Variants in NRG4 observed in about 807,000 individuals in gnomAD.
NRG4 encodes the protein neuregulin 4, also known as pro-neuregulin-4, membrane-bound isoform.
A neutral mutation model predicts 15.0 loss-of-function variants in NRG4; 10 were observed. The ratio of observed to expected loss-of-function variants is 0.67; its 90% CI spans 0.41 to 1.13. The LOEUF is 1.13. Ranked by LOEUF, NRG4 falls within the 50% of genes most tolerant of loss-of-function variation. The pLI, the probability that NRG4 is intolerant of heterozygous loss-of-function variation, is 0.00. For synonymous variants in NRG4, 41 were observed against 50.1 expected (o/e 0.82, Z 0.77); for missense variants, 139 against 140.2 (o/e 0.99, Z 0.04).
At chr15:76,047,903 C>G (rs334927) in intron 4 of NRG4, among the ~76,000 whole-genome samples, 2,181 of 151,072 alleles carry the variant, frequency 0.014, 177 homozygotes, top group African/African-American at 0.05. Context: ...CAACTACAAT[C>G]CCAGCTACTT....
intron 3 of NRG4, among the ~76,000 whole-genome samples, chr15:75,975,236 A>G (rs148685378): frequency 2.0e-5 from 3 of 151,986 alleles, no homozygotes; most frequent in African/African-American, 7.2e-5. Flanking sequence ...TTTTGAGCCT[A>G]TATGTGTCTT....
chr15:75,993,333 T>C (rs930218213), intron 3 of NRG4, among the ~76,000 whole-genome samples: 2 of 146,074 alleles, frequency 1.4e-5, no homozygotes, highest in African/African-American at 5.1e-5. Flanking sequence ...TCCTTCTGGG[T>C]TCCCAATTAC....
At chr15:75,967,391 CTG>C (rs2032852457) in intron 3 of NRG4, among the ~76,000 whole-genome samples, 1 of 151,156 alleles carries the variant, frequency 6.6e-6, no homozygotes, top group Admixed American at 6.6e-5. Context: ...CCATTAAAAA[CTG>C]ATCATTATTA....
intron 2 of NRG4, chr15:76,053,458 C>G (rs2036073753): frequency 6.6e-6 from 1 of 150,994 alleles, no homozygotes; most frequent in South Asian, 2.1e-4. Flanking sequence ...AGAATGGTGT[C>G]TGACATATGG....
intron 3 of NRG4, chr15:75,969,196 A>G (rs2032976013): frequency 6.6e-6 from 3 of 456,256 alleles, no homozygotes; most frequent in Non-Finnish European, 8.8e-6. Flanking sequence ...TTGGAATAAG[A>G]CAAAGAGAAG....
At chr15:76,021,053 C>T (rs953170700) in intron 5 of NRG4, among the ~76,000 whole-genome samples, 1 of 152,186 alleles carries the variant, frequency 6.6e-6, no homozygotes, top group Non-Finnish European at 1.5e-5. Context: ...TTCTAAGCTT[C>T]GAAGGACAGG....
At chr15:76,015,770 A>T (rs545373102), upstream of NRG4, among the ~76,000 whole-genome samples, 5 of 152,116 alleles carry the variant, frequency 3.3e-5, no homozygotes, top group Non-Finnish European at 7.4e-5. Context: ...GAATATTTTC[A>T]CATCGATATT....
Position 75,943,331 on chromosome 15 carries a change from C to T in NRG4, c.*307G>A, listed in dbSNP as rs1047325251. On this transcript the variant is annotated 3_prime_UTR_variant, in exon 6 of 6. Coordinates refer to ENST00000394907, the MANE Select transcript of NRG4 (RefSeq NM_138573.4). ...TCTTCATATATCCCTTAGGGTTTCTCTCTAGGTGTGTGAACATTTGCCTCT... is the reference window on the plus strand; with the variant it reads ...TCTTCATATATCCCTTAGGGTTTCTTTCTAGGTGTGTGAACATTTGCCTCT... The T allele has an allele frequency of 5.3e-5, 19 of 358,958 alleles. No individual in the cohort carries two copies. Among genetic ancestry groups the T allele is most frequent in the African/African-American group, 3.6e-4 (17 of 47,238 alleles). The allele number at this position is 358,958 out of a possible 1,614,324, so 22.2% of individuals were successfully genotyped here. A position where few individuals can be genotyped will look rare whatever the true frequency, so the allele number is the denominator to read the frequency against.
intron 3 of NRG4, among the ~76,000 whole-genome samples, chr15:76,002,802 T>G (rs1015525047): frequency 2.0e-5 from 3 of 152,154 alleles, no homozygotes; most frequent in African/African-American, 7.2e-5. Context: ...CTTATGTACA[T>G]GTAATAATTA....
chr15:76,046,207 C>T (rs907586153), intron 4 of NRG4, among the ~76,000 whole-genome samples: 7 of 150,616 alleles, frequency 4.6e-5, no homozygotes, highest in African/African-American at 7.4e-5. Flanking sequence ...GAAGAGGACA[C>T]GCACAAAAAA....
Position 75,961,819 on chromosome 15 carries a change from T to C in NRG4, c.251+9A>G. On this transcript the variant is annotated intron_variant, in intron 4 of 5. Coordinates refer to ENST00000394907, the MANE Select transcript of NRG4 (RefSeq NM_138573.4). ...ACTTTTCTCAAAAGCATGTTTCTAT[T>C]TTACTTACCTGCAAAGGAAGTAGAA... 6.2e-7 allele frequency: 1 copy of C among 1,601,470 alleles called. No individual in the cohort carries two copies. The highest frequency in any genetic ancestry group is 8.5e-7 in the Non-Finnish European group (1 of 1,173,294).
intron 4 of NRG4, among the ~76,000 whole-genome samples, chr15:75,956,350 A>G (rs1242959944): frequency 2.6e-5 from 4 of 152,150 alleles, no homozygotes; most frequent in African/African-American, 9.7e-5. Context: ...TGCTCTTTTT[A>G]AAGAAGTTAG....
intron 5 of NRG4, among the ~76,000 whole-genome samples, chr15:75,952,676 G>T (rs1447766127): frequency 6.6e-6 from 1 of 151,528 alleles, no homozygotes; most frequent in African/African-American, 2.4e-5. Flanking sequence ...CTCCACTGCG[G>T]CCTCCCAATA....
chr15:75,985,429 G>C, intron 3 of NRG4, among the ~76,000 whole-genome samples: 1 of 152,152 alleles, frequency 6.6e-6, no homozygotes, highest in East Asian at 1.9e-4. Flanking sequence ...ATCTACTAGG[G>C]AAGCTCATCA....
chr15:76,029,677 A>G (rs7172786), intron 5 of NRG4, among the ~76,000 whole-genome samples: 1,963 of 152,326 alleles, frequency 0.013, 39 homozygotes, highest in African/African-American at 0.046. Flanking sequence ...TCCATTTACA[A>G]TAACTACAAA....
chr15:76,024,147 T>C (rs2035238982), intron 5 of NRG4, among the ~76,000 whole-genome samples: 1 of 152,196 alleles, frequency 6.6e-6, no homozygotes, highest in African/African-American at 2.4e-5. Flanking sequence ...GCTGCCAACA[T>C]GTAAGTCTTG....
downstream of NRG4, chr15:75,938,804 G>GTAGT (rs1367940481): frequency 2.6e-5 from 4 of 152,160 alleles, no homozygotes; most frequent in Non-Finnish European, 2.9e-5. Context: ...ACAACAGGAT[G>GTAGT]TAGTTAGAAA....
At chr15:76,025,425 C>T (rs554442019) in intron 5 of NRG4, among the ~76,000 whole-genome samples, 5 of 151,362 alleles carry the variant, frequency 3.3e-5, no homozygotes, top group South Asian at 2.1e-4. Context: ...GGTGACAGAG[C>T]GAGACTCTGT....
intron 5 of NRG4, among the ~76,000 whole-genome samples, chr15:75,945,250 T>TATA (rs201245418): frequency 7.4e-6 from 1 of 135,340 alleles, no homozygotes; most frequent in African/African-American, 2.7e-5. Flanking sequence ...GATATATATA[T>TATA]TTTTTATCAT....
Sources: gnomAD v4.1 joint callset for allele counts (sites outside exome capture counted in the v4.1 genomes callset) on GRCh38, gnomAD v4.1.1 for gene constraint, MANE v1.5 for transcripts, NCBI Gene and HGNC (gene_info 2026-07-23, HGNC 2026-07-21) for gene names.